SUSD6: variants seen among roughly 807,000 people sequenced by gnomAD.
SUSD6 encodes sushi domain containing 6.
Under a neutral mutation model 28.4 loss-of-function variants are expected in SUSD6, and 16 were observed. That is an observed-to-expected ratio of 0.56 (90% CI 0.38 to 0.86). The LOEUF is 0.86. Among genes scored for constraint, SUSD6 ranks in the 40% least tolerant of loss-of-function variants. The pLI, the probability that SUSD6 is intolerant of heterozygous loss-of-function variation, is 0.00. For synonymous variants in SUSD6, 147 were observed against 159.6 expected, an observed-to-expected ratio of 0.92 and a Z score of 0.59; for missense variants, 341 against 384.2, an observed-to-expected ratio of 0.89 and a Z score of 0.94.
At chr14:69,702,051 G>A (rs1415839076) in intron 2 of SUSD6, among the ~76,000 whole-genome samples, 6 of 152,054 alleles carry the variant, frequency 3.9e-5, no homozygotes, top group African/African-American at 1.4e-4. Flanking sequence ...TGCCCCTCTC[G>A]TGGATGAGAA....
intron 4 of SUSD6, among the ~76,000 whole-genome samples, chr14:69,707,759 A>AT (rs1051012988): frequency 6.6e-6 from 1 of 152,158 alleles, no homozygotes; most frequent in African/African-American, 2.4e-5. Context: ...AAGAAAAACA[A>AT]TTTTTTTAAT....
Position 69,708,685 on chromosome 14 carries a change from AG to A in SUSD6, c.472del (p.Val158TyrfsTer93). On this transcript the variant is annotated frameshift_variant, in exon 5 of 6. Coordinates refer to ENST00000342745, the MANE Select transcript of SUSD6 (RefSeq NM_014734.4). LOFTEE classifies it high-confidence loss of function. ...LKSFHHSRRD[Q>X]GVSGDQVSIM... ...TTCCTCCTCCACTCCAGGCGTGACC[AG>A]GGGGTATCTGGGGACCAGGTCTCCA... 6.4e-7 allele frequency: 1 copy of A among 1,573,664 alleles called. No individual in the cohort carries two copies. Among genetic ancestry groups the A allele is most frequent in the Non-Finnish European group, 8.6e-7 (1 of 1,157,882 alleles).
chr14:69,683,809 T>C (rs1412131649), intron 2 of SUSD6, among the ~76,000 whole-genome samples: 1 of 152,242 alleles, frequency 6.6e-6, no homozygotes, highest in African/African-American at 2.4e-5. Flanking sequence ...GGATAAATTA[T>C]AGTATGCCTC....
intron 1 of SUSD6, among the ~76,000 whole-genome samples, chr14:69,632,418 C>T (rs1009747318): frequency 1.3e-5 from 2 of 152,124 alleles, no homozygotes; most frequent in African/African-American, 4.8e-5. Flanking sequence ...AAGGGGAAAA[C>T]TCATCGTGTA....
chr14:69,689,496 C>G, intron 2 of SUSD6, among the ~76,000 whole-genome samples: 1 of 152,114 alleles, frequency 6.6e-6, no homozygotes, highest in Non-Finnish European at 1.5e-5. Flanking sequence ...TATCTGTATT[C>G]CCAAAGAGAC....
chr14:69,693,670 C>G (rs1886183857), intron 2 of SUSD6, among the ~76,000 whole-genome samples: 2 of 152,156 alleles, frequency 1.3e-5, no homozygotes, highest in African/African-American at 4.8e-5. Flanking sequence ...ATACAAGACC[C>G]TTTCAAGTAT....
intron 2 of SUSD6, among the ~76,000 whole-genome samples, chr14:69,660,338 A>C (rs1005361523): frequency 4.6e-5 from 7 of 152,220 alleles, no homozygotes; most frequent in Non-Finnish European, 1.0e-4. Context: ...ACCAACATAT[A>C]GATGTGCCTT....
At chr14:69,633,056 C>A (rs73281520) in intron 1 of SUSD6, among the ~76,000 whole-genome samples, 6 of 152,314 alleles carry the variant, frequency 3.9e-5, no homozygotes, top group African/African-American at 1.2e-4. Flanking sequence ...AGGTAGCATT[C>A]CTATCCCTTC....
chr14:69,693,914 C>G (rs1222342187), intron 2 of SUSD6, among the ~76,000 whole-genome samples: 1 of 152,226 alleles, frequency 6.6e-6, no homozygotes, highest in African/African-American at 2.4e-5. Context: ...AAATTGTACC[C>G]TGGAGAGGGA....
chr14:69,663,174 A>C (rs143595212), intron 2 of SUSD6, among the ~76,000 whole-genome samples: 6 of 152,312 alleles, frequency 3.9e-5, no homozygotes, highest in African/African-American at 4.8e-5. Flanking sequence ...TCTTAATCCA[A>C]CTGGCTTGCT....
chr14:69,643,133 G>A (rs931760628), intron 1 of SUSD6, among the ~76,000 whole-genome samples: 1 of 152,144 alleles, frequency 6.6e-6, no homozygotes, highest in Admixed American at 6.5e-5. Context: ...GCCCTGTGCT[G>A]CCTGTTGTCC....
chr14:69,612,675 A>G (rs1884898375), intron 1 of SUSD6, among the ~76,000 whole-genome samples: 1 of 152,188 alleles, frequency 6.6e-6, no homozygotes, highest in African/African-American at 2.4e-5. Flanking sequence ...CGTCTGGGCA[A>G]GGAGGCCTAA....
chr14:69,632,586 G>T (rs1885210891), intron 1 of SUSD6, among the ~76,000 whole-genome samples: 1 of 151,534 alleles, frequency 6.6e-6, no homozygotes, highest in South Asian at 2.1e-4. Context: ...CCTCCTTTCT[G>T]TATCATCTCA....
chr14:69,695,671 TG>T (rs1886214438), intron 2 of SUSD6, among the ~76,000 whole-genome samples: 1 of 152,204 alleles, frequency 6.6e-6, no homozygotes, highest in Non-Finnish European at 1.5e-5. Flanking sequence ...TACAGCCTTC[TG>T]GGGTTCAAAT....
chr14:69,664,146 T>C (rs1885704181), intron 2 of SUSD6, among the ~76,000 whole-genome samples: 1 of 151,998 alleles, frequency 6.6e-6, no homozygotes, highest in African/African-American at 2.4e-5. Context: ...GCCCAGCTAA[T>C]GTTTTTGTAT....
chr14:69,613,492 A>G (rs1566586484), intron 1 of SUSD6, among the ~76,000 whole-genome samples: 1 of 152,250 alleles, frequency 6.6e-6, no homozygotes, highest in Non-Finnish European at 1.5e-5. Flanking sequence ...GTATGTTTGC[A>G]TAAGATTCAT....
At chr14:69,623,793 T>A (rs1885075912) in intron 1 of SUSD6, among the ~76,000 whole-genome samples, 1 of 152,166 alleles carries the variant, frequency 6.6e-6, no homozygotes, top group Non-Finnish European at 1.5e-5. Context: ...AAAAGATTTT[T>A]TAAAATAGAA....
At chr14:69,638,836 G>T (rs1305659700) in intron 1 of SUSD6, among the ~76,000 whole-genome samples, 1 of 152,184 alleles carries the variant, frequency 6.6e-6, no homozygotes, top group Non-Finnish European at 1.5e-5. Flanking sequence ...TTAAACCCAA[G>T]GTCCTGGGCT....
intron 1 of SUSD6, among the ~76,000 whole-genome samples, chr14:69,657,838 TTGTC>T (rs1453641941): frequency 1.3e-5 from 2 of 152,182 alleles, no homozygotes; most frequent in African/African-American, 4.8e-5. Context: ...TCTGAAGTCT[TTGTC>T]TGAACTAGAG....
Sources: gnomAD v4.1 joint callset for allele counts (sites outside exome capture counted in the v4.1 genomes callset) on GRCh38, gnomAD v4.1.1 for gene constraint, MANE v1.5 for transcripts, NCBI Gene and HGNC (gene_info 2026-07-23, HGNC 2026-07-21) for gene names.